SRPK1: variants seen among roughly 807,000 people sequenced by gnomAD.
SRPK1 encodes the protein SFRS protein kinase 1.
Under a neutral mutation model 89.5 loss-of-function variants are expected in SRPK1, and 52 were observed. The observed-to-expected ratio is 0.58, with a 90% confidence interval of 0.46 to 0.73. The LOEUF is 0.73. Among genes scored for constraint, SRPK1 ranks in the 30% least tolerant of loss-of-function variants. The probability of loss-of-function intolerance (pLI) is 0.00; values close to 1 mark genes in which losing one functional copy is unlikely to be tolerated. For missense variants in SRPK1, 603 were observed against 780.6 expected (o/e 0.77, Z 2.71); for synonymous variants, 255 against 270.2 (o/e 0.94, Z 0.55).
intron 6 of SRPK1, among the ~76,000 whole-genome samples, chr6:35,877,026 G>A (rs1316870298): frequency 6.6e-6 from 1 of 152,204 alleles, no homozygotes; most frequent in Non-Finnish European, 1.5e-5. Flanking sequence ...ATTCAGCAAA[G>A]CACATGTGTG....
rs768705670 is a variant in SRPK1, at chr6:35,842,603, G to C, written c.1622C>G (p.Ala541Gly). 6.9e-6 allele frequency: 11 copies of C among 1,597,758 alleles called. No individual in the cohort carries two copies. The Admixed American group carries it at 1.9e-4, about 28-fold the overall frequency. ...ATAGTCACCTGTGGCCAGTTCAAAG[G>C]CCTAAAAAAAAAAGAGGACAGTATA... ...PADIWSTACM[A>G]FELATGDYLF... The change falls in exon 14 of 16, where the codon GCC becomes GGC. Residue 541 changes from alanine (A) to glycine (G), a missense_variant and splice_region_variant. Physicochemically the swap from Ala to Gly is moderately conservative, Grantham distance 60. Transcript: ENST00000373825.
chr6:35,907,653 C>T lies in SRPK1; in HGVS notation c.74+12815G>A, dbSNP rs1236544694. 5.9e-5 allele frequency among the ~76,000 whole-genome samples: 9 copies of T among 151,452 alleles called. No homozygotes were observed. In the East Asian group the frequency reaches 7.7e-4, roughly 13 times the overall value. ...CCGGGAGGCGGGGGTTGCAGTGAGC[C>T]GAGATTGCACCATTGCACTCCAGCC... On this transcript the variant is annotated intron_variant, in intron 2 of 15. Coordinates refer to ENST00000373825, the MANE Select transcript of SRPK1 (RefSeq NM_003137.5).
intron 12 of SRPK1, among the ~76,000 whole-genome samples, chr6:35,867,112 T>C (rs1023895890): frequency 3.3e-5 from 5 of 152,004 alleles, no homozygotes; most frequent in African/African-American, 1.2e-4. Flanking sequence ...CACAATGCAA[T>C]ATATCAACCT....
intron 2 of SRPK1, among the ~76,000 whole-genome samples, chr6:35,915,184 G>A (rs111314046): frequency 0.32 from 47,942 of 151,854 alleles, 7,805 homozygotes; most frequent in South Asian, 0.42. Flanking sequence ...CGGGCAGAAC[G>A]CGACGTCAGG....
At chr6:35,836,973 C>T (rs1238966733) in intron 15 of SRPK1, among the ~76,000 whole-genome samples, 1 of 151,802 alleles carries the variant, frequency 6.6e-6, no homozygotes, top group Non-Finnish European at 1.5e-5. Flanking sequence ...ATGGCTCCTG[C>T]CAAGGATTGA....
At chr6:35,909,302 A>G (rs555070177) in intron 2 of SRPK1, among the ~76,000 whole-genome samples, 22 of 152,380 alleles carry the variant, frequency 1.4e-4, no homozygotes, top group African/African-American at 4.1e-4. Flanking sequence ...ATTTAGTGAC[A>G]GCCCGGCTGA....
intron 6 of SRPK1, among the ~76,000 whole-genome samples, chr6:35,879,826 C>T (rs917812599): frequency 2.0e-5 from 3 of 152,178 alleles, no homozygotes; most frequent in Non-Finnish European, 4.4e-5. Flanking sequence ...AACCCTATCA[C>T]TTTCAGAAGC....
rs1770107230 is a variant in SRPK1, at chr6:35,874,271, C to T, written c.547G>A (p.Gly183Arg). The T allele has an allele frequency of 6.2e-7, 1 of 1,613,324 alleles. No homozygotes were observed. The highest frequency in any genetic ancestry group is 8.5e-7 in the Non-Finnish European group (1 of 1,179,640). The change falls in exon 7 of 16, where the codon GGG becomes AGG. Residue 183 changes from glycine to arginine, a missense_variant. Gly to Arg is a moderately radical substitution (Grantham distance 125). Coordinates refer to ENST00000373825, the MANE Select transcript of SRPK1 (RefSeq NM_003137.5). ...LKWIIKSNYQ[G>R]LPLPCVKKII... ...TTTTTGACACAAGGCAGTGGAAGCC[C>T]CTGATAATTGGATTTGATGATCCAC...
At chr6:35,851,178 GA>G (rs1269256697) in intron 13 of SRPK1, among the ~76,000 whole-genome samples, 1 of 131,996 alleles carries the variant, frequency 7.6e-6, no homozygotes, top group Non-Finnish European at 1.7e-5. Context: ...GTTGGTATTG[GA>G]TTTTTTTTTT....
In SRPK1 at chr6:35,833,048, ATTTG is replaced by A. The variant is rs1769096441; in HGVS notation, c.*2252_*2255del. ...TTGGAAACATGTAGGTTATTAAATAATTTGTTTATTGTACGGCATTTACAAAGAA... is the reference window on the plus strand; with the variant it reads ...TTGGAAACATGTAGGTTATTAAATAATTTATTGTACGGCATTTACAAAGAA... On this transcript the variant is annotated 3_prime_UTR_variant, in exon 16 of 16. Transcript: ENST00000373825. 1.3e-5 allele frequency: 2 copies of A among 152,662 alleles called. No homozygotes were observed. Among genetic ancestry groups the A allele is most frequent in the Admixed American group, 6.5e-5 (1 of 15,278 alleles). The allele number at this position is 152,662 out of a possible 1,614,324, so 9.5% of individuals were successfully genotyped here.
chr6:35,890,816 T>C, intron 3 of SRPK1, 79 bp downstream of exon 3: 1 of 1,305,328 alleles, frequency 7.7e-7, no homozygotes, highest in Non-Finnish European at 1.0e-6. Context: ...ACTGTGTTTA[T>C]GCTGATAGAT....
At chr6:35,920,583 G>A in intron 1 of SRPK1, 55 bp from the exon 2 acceptor site, 1 of 1,575,720 alleles carries the variant, frequency 6.3e-7, no homozygotes, top group East Asian at 2.3e-5. Context: ...AGGCGACCAA[G>A]GTGAGGGTGG....
At chr6:35,857,175 A>T in intron 13 of SRPK1, 86 bp downstream of exon 13, 1 of 913,906 alleles carries the variant, frequency 1.1e-6, no homozygotes, top group Non-Finnish European at 1.8e-6. Flanking sequence ...CTTTTCTGCT[A>T]GTTAATTTGC....
chr6:35,846,263 G>GAA (rs11333285), intron 13 of SRPK1, among the ~76,000 whole-genome samples: 1 of 143,006 alleles, frequency 7.0e-6, no homozygotes. Flanking sequence ...CATCTCTTAA[G>GAA]AAAAAAAAAA....
intron 6 of SRPK1, among the ~76,000 whole-genome samples, chr6:35,884,642 A>G (rs948914940): frequency 1.1e-4 from 16 of 152,234 alleles, no homozygotes; most frequent in African/African-American, 3.9e-4. Context: ...GAACAAATGG[A>G]GAAAAGAATA....
intron 13 of SRPK1, among the ~76,000 whole-genome samples, chr6:35,849,845 G>T (rs1769515513): frequency 6.6e-6 from 1 of 152,130 alleles, no homozygotes; most frequent in Non-Finnish European, 1.5e-5. Context: ...TATTCAACTT[G>T]TATACACAAT....
intron 2 of SRPK1, among the ~76,000 whole-genome samples, chr6:35,919,295 T>A (rs147105252): frequency 6.6e-6 from 1 of 152,162 alleles, no homozygotes; most frequent in African/African-American, 2.4e-5. Flanking sequence ...CCTACCACTT[T>A]AGTTCTATTG....
intron 13 of SRPK1, 49 bp from the exon 14 acceptor site, chr6:35,842,653 C>A: frequency 6.9e-7 from 1 of 1,440,488 alleles, no homozygotes. Flanking sequence ...AAAAGAAGGC[C>A]TTTGGAAAGC....
chr6:35,870,941 G>A lies in SRPK1; in HGVS notation c.770C>T (p.Pro257Leu). The change falls in exon 9 of 16, where the codon CCT (proline) becomes CTT (leucine). Residue 257 changes from proline (P) to leucine (L), a missense_variant. Physicochemically the swap from Pro to Leu is moderately conservative, Grantham distance 98. Transcript: ENST00000373825. Reference protein sequence around the residue: ...SGSAVSTAPQPKPADKMSKNK... With the variant: ...SGSAVSTAPQLKPADKMSKNK... ...AAAACACCTTATACTTACTGGTTTA[G>A]GCTGGGGAGCAGTACTGACTGAAAA... The A allele has an allele frequency of 6.2e-7, 1 of 1,609,004 alleles. No individual in the cohort carries two copies. Among genetic ancestry groups the A allele is most frequent in the Non-Finnish European group, 8.5e-7 (1 of 1,176,900 alleles).
Sources: gnomAD v4.1 joint callset for allele counts (sites outside exome capture counted in the v4.1 genomes callset) on GRCh38, gnomAD v4.1.1 for gene constraint, MANE v1.5 for transcripts, NCBI Gene and HGNC (gene_info 2026-07-23, HGNC 2026-07-21) for gene names.